Variants in TBCE observed in about 807,000 individuals in gnomAD.
The protein encoded by TBCE is tubulin folding cofactor E, also known as tubulin-specific chaperone E.
TBCE carries 53 observed loss-of-function variants against 77.0 expected under a neutral mutation model. That is an observed-to-expected ratio of 0.69 (90% confidence interval 0.55 to 0.87). The LOEUF (loss-of-function observed/expected upper bound fraction) is 0.87. Among genes scored for constraint, TBCE ranks in the 40% least tolerant of loss-of-function variants. TBCE has a pLI of 0.00. For missense variants in TBCE, 624 were observed against 622.4 expected (o/e 1.00, Z -0.03); for synonymous variants, 235 against 241.3 (o/e 0.97, Z 0.24).
rs1296915131 is a variant in TBCE at position 235,449,062 on chromosome 1, C to T, written c.*300C>T. Reference sequence around the variant, plus strand: ...ATTAAATAGAAAGAAACTAGCTAGCCTAATAAAATCTGAACACAGTTAATA... The same window carrying T: ...ATTAAATAGAAAGAAACTAGCTAGCTTAATAAAATCTGAACACAGTTAATA... On this transcript the variant is annotated 3_prime_UTR_variant, in exon 17 of 17. Transcript: ENST00000642610. 1.5e-5 allele frequency: 5 copies of T among 332,964 alleles called. No individual in the cohort carries two copies. In the Admixed American group the frequency reaches 2.2e-4, roughly 15 times the overall value. 20.6% of individuals were successfully genotyped at this position (332,964 alleles called of 1,614,324 possible).
At chr1:235,429,255 C>G (rs578109711) in intron 6 of TBCE, 15 of 152,256 alleles carry the variant, frequency 9.9e-5, no homozygotes, top group African/African-American at 3.6e-4. Flanking sequence ...TCCCAAAGTG[C>G]TGGAATTACA....
chr1:235,409,296 C>T (rs1408536068), intron 3 of TBCE, among the ~76,000 whole-genome samples: 2 of 152,158 alleles, frequency 1.3e-5, no homozygotes, highest in East Asian at 1.9e-4. Context: ...CCAAGAGAAA[C>T]GTTTTTGGAC....
At chr1:235,426,240 T>G (rs1007001201) in intron 5 of TBCE, among the ~76,000 whole-genome samples, 1 of 152,210 alleles carries the variant, frequency 6.6e-6, no homozygotes, top group Non-Finnish European at 1.5e-5. Context: ...ACTTGTGTTG[T>G]CTGTCGGCTT....
chr1:235,376,261 A>G (rs923907928), intron 1 of TBCE, among the ~76,000 whole-genome samples: 5 of 152,124 alleles, frequency 3.3e-5, no homozygotes, highest in African/African-American at 4.8e-5. Flanking sequence ...ATGGCTTCCT[A>G]GTGTCTTCAA....
At chr1:235,373,752 C>T (rs1273050497) in intron 1 of TBCE, among the ~76,000 whole-genome samples, 2 of 150,580 alleles carry the variant, frequency 1.3e-5, no homozygotes, top group South Asian at 4.2e-4. Context: ...GGGTTCACGC[C>T]ATTCTCCTGC....
intron 2 of TBCE, among the ~76,000 whole-genome samples, chr1:235,394,129 C>T (rs1171135557): frequency 1.3e-5 from 2 of 152,080 alleles, no homozygotes; most frequent in African/African-American, 4.8e-5. Flanking sequence ...GGCTGGAGTG[C>T]AGTGGTGCAA....
chr1:235,425,343 C>G (rs1479966928), intron 5 of TBCE, among the ~76,000 whole-genome samples: 3 of 152,280 alleles, frequency 2.0e-5, no homozygotes, highest in South Asian at 4.1e-4. Context: ...AGCCCCACTT[C>G]CAGAGTCAGA....
intron 9 of TBCE, 34 bp downstream of exon 9, chr1:235,435,874 TTCAG>T (rs763837302): frequency 1.7e-5 from 27 of 1,558,882 alleles, no homozygotes; most frequent in Non-Finnish European, 2.3e-5. Context: ...TACAATAGTG[TTCAG>T]TCAATTCTTA....
chr1:235,369,960 C>T (rs1676808384), intron 1 of TBCE, among the ~76,000 whole-genome samples: 1 of 152,170 alleles, frequency 6.6e-6, no homozygotes, highest in South Asian at 2.1e-4. Context: ...ATGGTCTCCT[C>T]AAGCGCATCC....
intron 2 of TBCE, among the ~76,000 whole-genome samples, chr1:235,386,648 A>G (rs1188997781): frequency 6.6e-6 from 1 of 152,168 alleles, no homozygotes; most frequent in Non-Finnish European, 1.5e-5. Flanking sequence ...TTTCAGCTCC[A>G]TCAGCTCCTT....
At chr1:235,391,232 G>A (rs974225649) in intron 2 of TBCE, among the ~76,000 whole-genome samples, 22 of 152,048 alleles carry the variant, frequency 1.4e-4, no homozygotes, top group African/African-American at 5.1e-4. Flanking sequence ...GCTCACGCCT[G>A]TAATCCCAAC....
chr1:235,420,507 G>A (rs868003859), intron 5 of TBCE, among the ~76,000 whole-genome samples: 4 of 128,154 alleles, frequency 3.1e-5, no homozygotes, highest in African/African-American at 6.1e-5. Context: ...TTTTTGAGAC[G>A]GAGTCTCGCT....
At chr1:235,428,873 A>T (rs557959909) in intron 6 of TBCE, among the ~76,000 whole-genome samples, 9 of 150,390 alleles carry the variant, frequency 6.0e-5, no homozygotes, top group Admixed American at 4.6e-4. Flanking sequence ...CAATCTCTTG[A>T]CCTTGTGATC....
intron 1 of TBCE, among the ~76,000 whole-genome samples, chr1:235,376,398 C>T (rs1677300182): frequency 6.6e-6 from 1 of 151,932 alleles, no homozygotes; most frequent in South Asian, 2.1e-4. Flanking sequence ...TAAGCTGAGC[C>T]CCAGCTGGAA....
intron 13 of TBCE, 159 bp from the exon 14 acceptor site, chr1:235,441,655 A>G: frequency 1.5e-6 from 1 of 654,344 alleles, no homozygotes; most frequent in East Asian, 2.8e-5. Context: ...GTCGTTGTCC[A>G]TCACTCCTAA....
chr1:235,368,936 G>C (rs12029500), intron 1 of TBCE, among the ~76,000 whole-genome samples: 110,793 of 151,520 alleles, frequency 0.73, 41,849 homozygotes, highest in African/African-American at 0.93. Flanking sequence ...TTGTCTAGAT[G>C]AAAATCTTTG....
chr1:235,393,879 A>G (rs1420328038), intron 2 of TBCE, among the ~76,000 whole-genome samples: 1 of 152,212 alleles, frequency 6.6e-6, no homozygotes, highest in African/African-American at 2.4e-5. Context: ...ACTGTTGCCT[A>G]GGGGAACATC....
intron 3 of TBCE, among the ~76,000 whole-genome samples, chr1:235,410,045 C>A (rs1297798182): frequency 7.0e-6 from 1 of 143,630 alleles, no homozygotes; most frequent in Non-Finnish European, 1.5e-5. Context: ...AAAACAAAAA[C>A]AAAAAAAACA....
chr1:235,422,792 G>A (rs533899313), intron 5 of TBCE, among the ~76,000 whole-genome samples: 1 of 152,310 alleles, frequency 6.6e-6, no homozygotes, highest in East Asian at 1.9e-4. Flanking sequence ...TCGCGCCATT[G>A]CACTCCAGCC....
Sources: allele counts gnomAD v4.1 joint callset (sites outside exome capture counted in the v4.1 genomes callset), GRCh38; gene constraint gnomAD v4.1.1; transcripts MANE v1.5; gene names NCBI Gene and HGNC (gene_info 2026-07-23, HGNC 2026-07-21).